Variants in HRAS observed in about 807,000 individuals in gnomAD.
HRAS encodes HRas proto-oncogene, GTPase.
Under a neutral mutation model 19.8 loss-of-function variants are expected in HRAS, and 11 were observed. The observed-to-expected ratio is 0.55, with a 90% CI of 0.35 to 0.92. The LOEUF (loss-of-function observed/expected upper bound fraction) is 0.92. Ranked by LOEUF, HRAS falls within the 40% of genes least tolerant of loss-of-function variation. The pLI, the probability that HRAS is intolerant of heterozygous loss-of-function variation, is 0.01. For synonymous variants in HRAS, 149 were observed against 105.5 expected (o/e 1.41, Z -2.52); for missense variants, 204 against 255.9 (o/e 0.80, Z 1.38).
chr11:533,476 C>G lies in HRAS; in HGVS notation c.427G>C (p.Glu143Gln), dbSNP rs909222512. Residue 143 changes from glutamate to glutamine, a missense_variant, in exon 4 of 6, where the codon GAG becomes CAG. By Grantham distance (29) the Glu-to-Gln change is conservative. Around this residue, in one of 4 missense-constraint regions of HRAS, gnomAD observed 142 missense variants for 141.1 expected, o/e 1.01. Transcript: ENST00000311189. ...ACCTGCCGGGTCTTGGCCGAGGTCT[C>G]GATGTAGGGGATGCCGTAGCTTCGG... is the stretch of plus-strand genomic sequence containing the variant. The part of the protein sequence containing the change: ...LARSYGIPYI[E>Q]TSAKTRQGVE... The G allele has an allele frequency of 4.3e-6, 7 of 1,613,378 alleles. No homozygotes were observed. The highest frequency in any genetic ancestry group is 3.3e-5 in the Admixed American group (2 of 60,004).
At chr11:532,887 C>T in intron 4 of HRAS, 132 bp from the exon 5 acceptor site, 1 of 881,722 alleles carries the variant, frequency 1.1e-6, no homozygotes, top group Admixed American at 1.9e-5. Flanking sequence ...CCCAGGCCCA[C>T]CACACACACG....
chr11:533,743 C>G (rs375166344), intron 3 of HRAS, 23 bp downstream of exon 3: 2 of 1,612,980 alleles, frequency 1.2e-6, no homozygotes, highest in Non-Finnish European at 8.5e-7. Context: ...CGTGGGCTCC[C>G]GGGCCAGCCT....
Position 533,460 on chromosome 11 carries a change from GTCTTGGCCGAGGTC to G in HRAS, c.429_442del (p.Glu143AspfsTer15), listed in dbSNP as rs1851236098. 1 of 1,613,202 alleles carries G rather than the reference GTCTTGGCCGAGGTC, an allele frequency of 6.2e-7. No individual in the cohort carries two copies. Among genetic ancestry groups the G allele is most frequent in the African/African-American group, 1.3e-5 (1 of 74,932 alleles). On this transcript the variant is annotated frameshift_variant, in exon 4 of 6. Coordinates refer to ENST00000311189, the MANE Select transcript of HRAS (RefSeq NM_005343.4). LOFTEE classifies it high-confidence loss of function. ...GGTGGAGAGCTGCCTCACCTGCCGG[GTCTTGGCCGAGGTC>G]TCGATGTAGGGGATGCCGTAGCTTC...
chr11:534,092 G>A (rs927686575), intron 2 of HRAS, 120 bp downstream of exon 2: 1 of 1,157,896 alleles, frequency 8.6e-7, no homozygotes, highest in East Asian at 2.4e-5. Context: ...TCTAGAGGAA[G>A]CAGGAGACAG....
intron 1 of HRAS, chr11:535,195 A>C (rs1481690484): frequency 6.6e-6 from 1 of 151,112 alleles, no homozygotes; most frequent in Non-Finnish European, 1.5e-5. Flanking sequence ...TGGGGCCCGG[A>C]TTCCCGCAGG....
Position 535,518 on chromosome 11 carries a change from G to A in HRAS, c.-156C>T, listed in dbSNP as rs1851441389. The A allele has an allele frequency of 6.8e-6, 1 of 147,902 alleles. No individual in the cohort carries two copies. The highest frequency in any genetic ancestry group is 1.9e-4 in the South Asian group (1 of 5,334). 9.2% of individuals were successfully genotyped at this position (147,902 alleles called of 1,614,324 possible). ...CGCCCCGCGCATGGGCTCCGTCCGCGGCGGGTGCGGCTCGGGTTGCGGGCG... is the reference window on the plus strand; with the variant it reads ...CGCCCCGCGCATGGGCTCCGTCCGCAGCGGGTGCGGCTCGGGTTGCGGGCG... On this transcript the variant is annotated 5_prime_UTR_variant, in exon 1 of 6. Transcript: ENST00000311189.
chr11:534,144 C>T, intron 2 of HRAS, 68 bp downstream of exon 2: 1 of 1,340,400 alleles, frequency 7.5e-7, no homozygotes, highest in South Asian at 1.2e-5. Flanking sequence ...GCAGCCAGCC[C>T]TATCCTGGCT....
chr11:533,878 C>T lies in HRAS; in HGVS notation c.178G>A (p.Gly60Ser), dbSNP rs1589792804. The T allele has an allele frequency of 6.2e-7, 1 of 1,613,278 alleles. No individual in the cohort carries two copies. Among genetic ancestry groups the T allele is most frequent in the Non-Finnish European group, 8.5e-7 (1 of 1,179,940 alleles). The change falls in exon 3 of 6, where the codon GGC becomes AGC. Residue 60 changes from glycine (G) to serine (S), a missense_variant. Around this residue, in one of 4 missense-constraint regions of HRAS, gnomAD observed 51 missense variants for 79.0 expected, o/e 0.65. Coordinates refer to ENST00000311189, the MANE Select transcript of HRAS (RefSeq NM_005343.4). ...TCLLDILDTA[G>S]QEEYSAMRDQ... Reference sequence around the variant, plus strand: ...CGCATGGCGCTGTACTCCTCCTGGCCGGCGGTATCCAGGATGTCCAACAGG... The same window carrying T: ...CGCATGGCGCTGTACTCCTCCTGGCTGGCGGTATCCAGGATGTCCAACAGG...
intron 4 of HRAS, 54 bp downstream of exon 4, chr11:533,399 T>C: frequency 1.5e-6 from 2 of 1,323,974 alleles, no homozygotes; most frequent in Non-Finnish European, 2.2e-6. Context: ...GCTCCCTGGC[T>C]GGGGCGGGGC....
At chr11:533,419 C>G (rs1244461611) in intron 4 of HRAS, 34 bp downstream of exon 4, 1 of 1,610,332 alleles carries the variant, frequency 6.2e-7, no homozygotes, top group Non-Finnish European at 8.5e-7. Context: ...CGGGGCGGGT[C>G]CCTGGCTAGC....
chr11:534,433 A>C (rs975892037), intron 1 of HRAS, 58 bp from the exon 2 acceptor site: 106 of 848,862 alleles, frequency 1.2e-4, no homozygotes, highest in Non-Finnish European at 1.5e-4. Flanking sequence ...CCCACAGGGC[A>C]GCTGCTGGCA....
chr11:532,896 C>T (rs1043208991), intron 4 of HRAS, 141 bp from the exon 5 acceptor site: 43 of 842,906 alleles, frequency 5.1e-5, no homozygotes, highest in Non-Finnish European at 6.1e-5. Flanking sequence ...ACCACACACA[C>T]GGGAAGCTGG....
chr11:532,432 C>A lies in HRAS; in HGVS notation c.*96G>T. The A allele has an allele frequency of 1.4e-6, 1 of 695,146 alleles. No homozygotes were observed. The highest frequency in any genetic ancestry group is 2.4e-6 in the Non-Finnish European group (1 of 420,778). 43.1% of individuals were successfully genotyped at this position (695,146 alleles called of 1,614,324 possible). ...CCGGGGTGACTGGGCTCCAGCAGCC[C>A]TTCCTTCCTTCCTTGCTTCCGTCCT... On this transcript the variant is annotated 3_prime_UTR_variant, in exon 6 of 6. Coordinates refer to ENST00000311189, the MANE Select transcript of HRAS (RefSeq NM_005343.4).
chr11:533,425 C>T (rs761905167), intron 4 of HRAS, 28 bp downstream of exon 4: 13 of 1,611,156 alleles, frequency 8.1e-6, no homozygotes, highest in Non-Finnish European at 1.1e-5. Flanking sequence ...GGGTCCCTGG[C>T]TAGCTGTGGG....
At position 533,493 on chromosome 11, in the gene HRAS, T is replaced by G. The variant is rs1180561549; in HGVS notation, c.410A>C (p.Tyr137Ser). ...CGAGGTCTCGATGTAGGGGATGCCG[T>G]AGCTTCGGGCGAGGTCCTGAGCCTG... ...SRQAQDLARS[Y>S]GIPYIETSAK... The change falls in exon 4 of 6, where the codon TAC (tyrosine) becomes TCC (serine). Residue 137 changes from tyrosine to serine, a missense_variant. Tyr to Ser is a moderately radical substitution (Grantham distance 144). This residue lies in a region of HRAS where 142 missense variants were observed against 141.1 expected (regional missense o/e 1.01). Transcript: ENST00000311189. 4.3e-6 allele frequency: 7 copies of G among 1,613,368 alleles called. No individual in the cohort carries two copies. The highest frequency in any genetic ancestry group is 5.9e-6 in the Non-Finnish European group (7 of 1,179,964).
rs375893752 is a variant in HRAS at position 533,774 on chromosome 11, G to C, written c.282C>G (p.His94Gln). 4 of 1,613,328 alleles carry C rather than the reference G, an allele frequency of 2.5e-6. No homozygotes were observed. Among genetic ancestry groups the C allele is most frequent in the South Asian group, 1.1e-5 (1 of 91,090 alleles). Reference protein sequence around the residue: ...INNTKSFEDIHQYREQIKRVK... With the variant: ...INNTKSFEDIQQYREQIKRVK... ...AGCCTCACGGGGTTCACCTGTACTGGTGGATGTCCTCAAAAGACTTGGTGT... is the reference window on the plus strand; with the variant it reads ...AGCCTCACGGGGTTCACCTGTACTGCTGGATGTCCTCAAAAGACTTGGTGT... Residue 94 changes from histidine (H) to glutamine (Q), a missense_variant, in exon 3 of 6, where the codon CAC becomes CAG. Coordinates refer to ENST00000311189, the MANE Select transcript of HRAS (RefSeq NM_005343.4).
intron 4 of HRAS, 58 bp from the exon 5 acceptor site, chr11:532,813 G>A (rs1851188956): frequency 9.0e-6 from 14 of 1,553,450 alleles, no homozygotes. Context: ...GCCTGGGTGA[G>A]GGGCTCCCTG....
chr11:533,190 G>A (rs957632942), intron 4 of HRAS: 18 of 1,225,820 alleles, frequency 1.5e-5, no homozygotes, highest in Admixed American at 1.2e-4. Flanking sequence ...CGCCTTCCCC[G>A]GAGCTGTGTC....
chr11:533,992 G>A lies in HRAS; in HGVS notation c.112-48C>T, dbSNP rs1851292314. ...GACCCCCTCAGGACCTTCCGTGGGG[G>A]GAGTTCACACAGCCAGCCTCTCCCT... On this transcript the variant is annotated intron_variant, in intron 2 of 5. Transcript: ENST00000311189. 4 of 1,585,798 alleles carry A rather than the reference G, an allele frequency of 2.5e-6. No homozygotes were observed. The African/African-American group carries it at 5.4e-5, about 21-fold the overall frequency.
Sources: allele counts gnomAD v4.1 joint callset, GRCh38; gene constraint gnomAD v4.1.1; regional missense constraint gnomAD v4.1.1; transcripts MANE v1.5; gene names NCBI Gene and HGNC (gene_info 2026-07-23, HGNC 2026-07-21).